ITIH1: variants seen among roughly 807,000 people sequenced by gnomAD.
ITIH1 encodes inter-alpha-trypsin inhibitor heavy chain H1.
In ITIH1, 94 loss-of-function variants were observed where a neutral mutation model predicts 104.6. That is an observed-to-expected ratio of 0.90 (90% CI 0.76 to 1.07). The LOEUF is 1.07. ITIH1 is among the 50% of genes least tolerant of loss of function. The pLI, the probability that ITIH1 is intolerant of heterozygous loss-of-function variation, is 0.00. For synonymous variants in ITIH1, 455 were observed against 464.4 expected (o/e 0.98, Z 0.26); for missense variants, 1,193 against 1,181.4 (o/e 1.01, Z -0.14).
intron 18 of ITIH1, among the ~76,000 whole-genome samples, chr3:52,789,062 C>T (rs977568523): frequency 5.3e-5 from 8 of 152,210 alleles, no homozygotes; most frequent in Non-Finnish European, 1.2e-4. Context: ...CTCACCCCTG[C>T]TCCCTCCTGT....
At chr3:52,791,476 T>A (rs1005302469) in intron 20 of ITIH1, 41 bp from the exon 21 acceptor site, 2 of 1,533,016 alleles carry the variant, frequency 1.3e-6, no homozygotes, top group African/African-American at 1.4e-5. Flanking sequence ...CAGGAGCAAG[T>A]CCCCGAGATG....
At position 52,791,802 on chromosome 3, in the gene ITIH1, G is replaced by C. The variant is rs878912167; in HGVS notation, c.2627G>C (p.Ser876Thr). 1.2e-6 allele frequency: 2 copies of C among 1,613,740 alleles called. No homozygotes were observed. The highest frequency in any genetic ancestry group is 2.2e-5 in the South Asian group (2 of 91,014). ...CACAGGGGTTTGCAAAAAGACTACA[G>C]CAAGGACCCGTGGCATGGGGCCGAG... ...TVTRGLQKDY[S>T]KDPWHGAEVS... Residue 876 changes from serine to threonine, a missense_variant, in exon 22 of 22, where the codon AGC becomes ACC. Ser to Thr is a moderately conservative substitution (Grantham distance 58). Coordinates refer to ENST00000273283, the MANE Select transcript of ITIH1 (RefSeq NM_002215.4).
chr3:52,788,112 C>G (rs894001993), intron 17 of ITIH1, 46 bp downstream of exon 17: 3 of 1,546,190 alleles, frequency 1.9e-6, no homozygotes, highest in Non-Finnish European at 2.7e-6. Context: ...TTGGGACCCA[C>G]CCTATCTGGC....
At chr3:52,778,136 G>A in intron 2 of ITIH1, 119 bp downstream of exon 2, 2 of 1,272,876 alleles carry the variant, frequency 1.6e-6, no homozygotes, top group East Asian at 4.6e-5. Flanking sequence ...ACTCTCCAGG[G>A]TCCTAGAAAT....
chr3:52,784,343 C>A lies in ITIH1; in HGVS notation c.1273C>A (p.Arg425=), dbSNP rs200097012. ...CCTCAAGAACGTCCGCAACGCCATC[C>A]GGGGCAGGTTCCCGCTCTACAACCT... ...QILKNVRNAI[R]GRFPLYNLGF... Residue 425 remains arginine, a synonymous_variant, in exon 11 of 22, where the codon CGG becomes AGG. Coordinates refer to ENST00000273283, the MANE Select transcript of ITIH1 (RefSeq NM_002215.4). 6.2e-7 allele frequency: 1 copy of A among 1,614,008 alleles called. No homozygotes were observed. The highest frequency in any genetic ancestry group is 1.3e-5 in the African/African-American group (1 of 74,924).
rs956798519 is a variant in ITIH1 at position 52,786,365 on chromosome 3, G to A, written c.1664G>A (p.Gly555Asp). 6.3e-7 allele frequency: 1 copy of A among 1,582,204 alleles called. No individual in the cohort carries two copies. Among genetic ancestry groups the A allele is most frequent in the Non-Finnish European group, 8.6e-7 (1 of 1,163,582 alleles). The change falls in exon 13 of 22, where the codon GGC (glycine) becomes GAC (aspartate). Residue 555 changes from glycine to aspartate, a missense_variant. Coordinates refer to ENST00000273283, the MANE Select transcript of ITIH1 (RefSeq NM_002215.4). ...ATGAAGAAACTGCTCCGAGAGCGTG[G>A]CCACATGCTGGAGAACCACGTCGAG... is the stretch of plus-strand genomic sequence containing the variant. ...EEMKKLLRER[G>D]HMLENHVERL...
At position 52,783,313 on chromosome 3, in the gene ITIH1, T is replaced by C. The variant is rs778786853; in HGVS notation, c.1199T>C (p.Met400Thr). Residue 400 changes from methionine to threonine, a missense_variant, in exon 10 of 22, where the codon ATG becomes ACG. By Grantham distance (81) the Met-to-Thr change is moderately conservative. Transcript: ENST00000273283. ...AGCAACCATGCCTCAATACTCATCATGTTGACAGATGGCGATCCCACAGAG... is the reference window on the plus strand; with the variant it reads ...AGCAACCATGCCTCAATACTCATCACGTTGACAGATGGCGATCCCACAGAG... ...ELSNHASILI[M>T]LTDGDPTEGV... 1.2e-6 allele frequency: 2 copies of C among 1,614,080 alleles called. No homozygotes were observed. Among genetic ancestry groups the C allele is most frequent in the Non-Finnish European group, 1.7e-6 (2 of 1,180,014 alleles).
chr3:52,790,790 CTG>C lies in ITIH1; in HGVS notation c.2366_2367del (p.Val789GlyfsTer7), dbSNP rs773274594. On this transcript the variant is annotated frameshift_variant, in exon 20 of 22. Transcript: ENST00000273283. LOFTEE classifies it high-confidence loss of function. ...AACAAGAAGAGGAACCTGGTGGTGT[CTG>C]TGGACGACGGTGGCACCTTTGAGGT... is the stretch of plus-strand genomic sequence containing the variant. The C allele has an allele frequency of 3.1e-6, 5 of 1,612,934 alleles. No homozygotes were observed. The highest frequency in any genetic ancestry group is 4.2e-6 in the Non-Finnish European group (5 of 1,179,610).
Position 52,779,824 on chromosome 3 carries a change from T to G in ITIH1, c.573+230T>G, listed in dbSNP as rs955362694. ...GTTTGCTCATCTGCTAGACGGGGGG[T>G]TTCTGTGAGTCCCAGGACCGCCACA... is the stretch of plus-strand genomic sequence containing the variant. On this transcript the variant is annotated intron_variant, in intron 5 of 21. Transcript: ENST00000273283. This position sits in a 1 kb window ranked among gnomAD's most constrained non-coding sequence, Gnocchi z 4.4. 2 of 1,235,024 alleles carry G rather than the reference T, an allele frequency of 1.6e-6. No individual in the cohort carries two copies. The highest frequency in any genetic ancestry group is 3.0e-5 in the African/African-American group (2 of 65,654). The allele number at this position is 1,235,024 out of a possible 1,614,324, so 76.5% of individuals were successfully genotyped here.
At chr3:52,783,601 T>A (rs566482463) in intron 10 of ITIH1, among the ~76,000 whole-genome samples, 1 of 152,320 alleles carries the variant, frequency 6.6e-6, no homozygotes, top group East Asian at 1.9e-4. Flanking sequence ...ATGGGCAAGA[T>A]TCCATGCTTC....
chr3:52,778,056 C>A, intron 2 of ITIH1, 39 bp downstream of exon 2: 1 of 1,612,116 alleles, frequency 6.2e-7, no homozygotes, highest in Non-Finnish European at 8.5e-7. Context: ...GTGACAGAGC[C>A]CTTTTTACAG....
chr3:52,778,006 G>T lies in ITIH1; in HGVS notation c.127G>T (p.Ala43Ser). ...TGATTTTGTTTTGCAGAAGCGACAG[G>T]CTGTGGACACCGTGAGTAAGAGTCC... ...GRSKSSEKRQ[A>S]VDTAVDGVFI... Residue 43 changes from alanine (A) to serine (S), a missense_variant, in exon 2 of 22, where the codon GCT becomes TCT. Ala to Ser is a moderately conservative substitution (Grantham distance 99, BLOSUM62 1). Transcript: ENST00000273283. 6.2e-7 allele frequency: 1 copy of T among 1,614,230 alleles called. No individual in the cohort carries two copies. The highest frequency in any genetic ancestry group is 8.5e-7 in the Non-Finnish European group (1 of 1,180,046).
intron 18 of ITIH1, among the ~76,000 whole-genome samples, chr3:52,789,421 G>C (rs1278522017): frequency 6.6e-6 from 1 of 152,144 alleles, no homozygotes; most frequent in African/African-American, 2.4e-5. Flanking sequence ...ACCTCCGTTA[G>C]GACCCAGAAC....
At chr3:52,787,250 G>A (rs761655093) in intron 15 of ITIH1, 48 bp downstream of exon 15, 18 of 1,611,656 alleles carry the variant, frequency 1.1e-5, no homozygotes, top group Non-Finnish European at 1.4e-5. Context: ...CGGTAGCTGG[G>A]CAGGTGGCAG....
At chr3:52,784,584 A>T in intron 11 of ITIH1, 107 bp downstream of exon 11, 1 of 1,145,742 alleles carries the variant, frequency 8.7e-7, no homozygotes, top group South Asian at 1.5e-5. Flanking sequence ...TCTGGCATAG[A>T]GTTCAAATCA....
At position 52,782,001 on chromosome 3, in the gene ITIH1, C is replaced by G. The variant is rs1444929758; in HGVS notation, c.749C>G (p.Ser250Cys). The change falls in exon 7 of 22, where the codon TCC becomes TGC. Residue 250 changes from serine to cysteine, a missense_variant. Transcript: ENST00000273283. ...QQQSCPTCST[S>C]LLNGHFKVTY... ...CAGTCCTGCCCCACATGCTCTACAT[C>G]CTTACTGAACGGGCACTTCAAGGTG... The G allele has an allele frequency of 6.2e-7, 1 of 1,614,154 alleles. No homozygotes were observed. The highest frequency in any genetic ancestry group is 8.5e-7 in the Non-Finnish European group (1 of 1,180,034).
chr3:52,788,385 C>A, intron 18 of ITIH1, 40 bp downstream of exon 18: 1 of 1,258,288 alleles, frequency 7.9e-7, no homozygotes, highest in Non-Finnish European at 1.1e-6. Flanking sequence ...AGGGCCAGGG[C>A]TCCTCTGCCC....
At chr3:52,791,346 T>C (rs1304166084) in intron 20 of ITIH1, among the ~76,000 whole-genome samples, 171 bp from the exon 21 acceptor site, 1 of 152,106 alleles carries the variant, frequency 6.6e-6, no homozygotes, top group Non-Finnish European at 1.5e-5. Context: ...TACTTCTCTA[T>C]AGCAAGTGAA....
At chr3:52,788,094 A>G (rs767796671) in intron 17 of ITIH1, 28 bp downstream of exon 17, 12 of 1,574,454 alleles carry the variant, frequency 7.6e-6, no homozygotes, top group Non-Finnish European at 1.0e-5. Flanking sequence ...TCTGAGGGAC[A>G]CCCCTGTTTG....
Sources: allele counts gnomAD v4.1 joint callset (sites outside exome capture counted in the v4.1 genomes callset), GRCh38; gene constraint gnomAD v4.1.1; non-coding constraint Gnocchi (gnomAD v3.1); transcripts MANE v1.5; gene names NCBI Gene and HGNC (gene_info 2026-07-23, HGNC 2026-07-21).